ARID1A: variants seen among roughly 807,000 people sequenced by gnomAD.
ARID1A encodes the protein AT-rich interactive domain-containing protein 1A.
Under a neutral mutation model 212.6 loss-of-function variants are expected in ARID1A, and 20 were observed. The observed-to-expected ratio is 0.09, with a 90% confidence interval of 0.07 to 0.14. ARID1A has a LOEUF of 0.14. ARID1A is among the 10% of genes least tolerant of loss of function. The pLI, the probability that ARID1A is intolerant of heterozygous loss-of-function variation, is 1.00. For missense variants in ARID1A, 2,587 were observed against 3,059.0 expected (o/e 0.85, Z 3.64); for synonymous variants, 1,376 against 1,222.1 (o/e 1.13, Z -2.63).
chr1:26,761,490 T>C lies in ARID1A; in HGVS notation c.2251+17T>C. The C allele has an allele frequency of 6.2e-7, 1 of 1,613,596 alleles. No homozygotes were observed. The highest frequency in any genetic ancestry group is 8.5e-7 in the Non-Finnish European group (1 of 1,179,588). ...AAGATCGAGGTGAGAGCCTGGGTGT[T>C]GGGGAGGGGCAGGGAGCTAGGGCAG... On this transcript the variant is annotated intron_variant, in intron 6 of 19. Coordinates refer to ENST00000324856, the MANE Select transcript of ARID1A (RefSeq NM_006015.6).
At chr1:26,704,270 C>T (rs1023782301) in intron 1 of ARID1A, among the ~76,000 whole-genome samples, 2 of 152,126 alleles carry the variant, frequency 1.3e-5, no homozygotes, top group Non-Finnish European at 2.9e-5. Context: ...GGGCACTTTT[C>T]TAGTAAATTT....
intron 1 of ARID1A, among the ~76,000 whole-genome samples, chr1:26,716,751 G>C (rs893589566): frequency 6.6e-6 from 1 of 151,998 alleles, no homozygotes; most frequent in Admixed American, 6.6e-5. Context: ...TCAGCCTCCC[G>C]AGTAGCTGAG....
intron 1 of ARID1A, 130 bp downstream of exon 1, chr1:26,697,670 C>G: frequency 1.1e-6 from 1 of 926,640 alleles, no homozygotes; most frequent in Non-Finnish European, 1.4e-6. Flanking sequence ...CTGCCATTGT[C>G]TGGCTCTTCT....
intron 1 of ARID1A, among the ~76,000 whole-genome samples, chr1:26,713,840 T>G (rs749824196): frequency 2.0e-5 from 3 of 152,238 alleles, no homozygotes; most frequent in African/African-American, 7.2e-5. Flanking sequence ...AGTACAGATT[T>G]GTAACATTGT....
In ARID1A at chr1:26,780,066, C is replaced by G. The variant is rs2124146449; in HGVS notation, c.6168C>G (p.Leu2056=). 1 of 1,614,096 alleles carries G rather than the reference C, an allele frequency of 6.2e-7. No homozygotes were observed. Among genetic ancestry groups the G allele is most frequent in the Non-Finnish European group, 8.5e-7 (1 of 1,180,022 alleles). ...VEWWWDCLEM[L]RENTLVTLAN... ...GGTGGTGGGACTGCTTGGAGATGCTCCGGGAAAACACCTTGGTTACACTCG... is the reference window on the plus strand; with the variant it reads ...GGTGGTGGGACTGCTTGGAGATGCTGCGGGAAAACACCTTGGTTACACTCG... The change falls in exon 20 of 20, where the codon CTC becomes CTG. Residue 2056 remains leucine, a synonymous_variant. Coordinates refer to ENST00000324856, the MANE Select transcript of ARID1A (RefSeq NM_006015.6). This position sits in a 1 kb window ranked among gnomAD's most constrained non-coding sequence, Gnocchi z 7.2.
intron 1 of ARID1A, among the ~76,000 whole-genome samples, chr1:26,728,732 G>A (rs1431081714): frequency 6.6e-6 from 1 of 152,136 alleles, no homozygotes; most frequent in Non-Finnish European, 1.5e-5. Flanking sequence ...TCTTAAAGGT[G>A]CTTAGAGAAA....
At chr1:26,736,674 G>A (rs926258250) in intron 4 of ARID1A, among the ~76,000 whole-genome samples, 6 of 150,182 alleles carry the variant, frequency 4.0e-5, no homozygotes, top group African/African-American at 1.2e-4. Flanking sequence ...AGGCCGAGGC[G>A]GGCAAATCGC....
intron 1 of ARID1A, among the ~76,000 whole-genome samples, chr1:26,703,509 A>T (rs1254013170): frequency 6.6e-6 from 1 of 152,226 alleles, no homozygotes; most frequent in Admixed American, 6.5e-5. Context: ...AGCTGTTTAT[A>T]TAGTAGCAGG....
rs1156456590 is a variant in ARID1A at position 26,696,253 on chromosome 1, G to A, written c.-151G>A. 7.9e-6 allele frequency: 8 copies of A among 1,012,852 alleles called. No individual in the cohort carries two copies. In the African/African-American group the frequency reaches 1.0e-4, roughly 13 times the overall value. 62.7% of individuals were successfully genotyped at this position (1,012,852 alleles called of 1,614,324 possible). A position where few individuals can be genotyped will look rare whatever the true frequency, so the allele number is the denominator to read the frequency against. On this transcript the variant is annotated 5_prime_UTR_variant, in exon 1 of 20. Transcript: ENST00000324856. ...CTGAGCCGGCGGGGCGGGGGGGAGA[G>A]GAGCGAGCGCAGCGCAGCAGCGGAG...
At chr1:26,726,691 A>G (rs2124781376) in intron 1 of ARID1A, among the ~76,000 whole-genome samples, 1 of 152,318 alleles carries the variant, frequency 6.6e-6, no homozygotes, top group African/African-American at 2.4e-5. Flanking sequence ...AGCATTGCAC[A>G]TTGAACAGTC....
intron 4 of ARID1A, among the ~76,000 whole-genome samples, chr1:26,744,559 C>A (rs1388055182): frequency 1.3e-5 from 2 of 152,142 alleles, no homozygotes; most frequent in Admixed American, 1.3e-4. Context: ...TTAAGTTGGG[C>A]CAAACTTGTC....
At chr1:26,747,497 G>A (rs1286307366) in intron 4 of ARID1A, among the ~76,000 whole-genome samples, 5 of 152,054 alleles carry the variant, frequency 3.3e-5, no homozygotes, top group African/African-American at 1.2e-4. Flanking sequence ...GATGGGTGGA[G>A]GTAATTTTTC....
chr1:26,705,270 T>A (rs2080378480), intron 1 of ARID1A, among the ~76,000 whole-genome samples: 1 of 152,066 alleles, frequency 6.6e-6, no homozygotes, highest in Admixed American at 6.6e-5. Flanking sequence ...CCTGAGTAGC[T>A]GGGATTATAG....
At chr1:26,775,780 CT>C in intron 19 of ARID1A, 73 bp downstream of exon 19, 1 of 1,600,258 alleles carries the variant, frequency 6.2e-7, no homozygotes, top group East Asian at 2.2e-5. Flanking sequence ...AATGTCTCAT[CT>C]TTAGCCACCT....
At chr1:26,711,699 TTC>T (rs1426896302) in intron 1 of ARID1A, among the ~76,000 whole-genome samples, 4 of 152,166 alleles carry the variant, frequency 2.6e-5, no homozygotes, top group Non-Finnish European at 5.9e-5. Context: ...TGCCTTCCAT[TTC>T]TCTTTCTCTT....
intron 1 of ARID1A, among the ~76,000 whole-genome samples, chr1:26,716,216 A>G (rs192949916): frequency 8.8e-4 from 134 of 151,910 alleles, no homozygotes; most frequent in African/African-American, 2.9e-3. Flanking sequence ...AAAAAAAAAA[A>G]AAAAGAAAAA....
intron 4 of ARID1A, among the ~76,000 whole-genome samples, chr1:26,744,384 G>A (rs531781124): frequency 6.6e-5 from 10 of 152,254 alleles, no homozygotes; most frequent in Admixed American, 2.6e-4. Flanking sequence ...GTTTCCTTCG[G>A]AACAGCCTCA....
intron 1 of ARID1A, among the ~76,000 whole-genome samples, chr1:26,725,396 G>C (rs528312519): frequency 2.6e-4 from 40 of 152,266 alleles, no homozygotes; most frequent in Admixed American, 7.8e-4. Flanking sequence ...AATATTTCAC[G>C]ATGGTTTTAA....
intron 4 of ARID1A, among the ~76,000 whole-genome samples, chr1:26,754,774 T>A (rs2080914284): frequency 6.6e-6 from 1 of 152,202 alleles, no homozygotes; most frequent in African/African-American, 2.4e-5. Flanking sequence ...ACTTGCCAGA[T>A]GACCTAAGCA....
Sources: gnomAD v4.1 joint callset for allele counts (sites outside exome capture counted in the v4.1 genomes callset) on GRCh38, gnomAD v4.1.1 for gene constraint, Gnocchi (gnomAD v3.1) non-coding constraint, MANE v1.5 for transcripts, NCBI Gene and HGNC (gene_info 2026-07-23, HGNC 2026-07-21) for gene names.